The following MEP1B variants were observed in gnomAD, a reference collection of about 807,000 sequenced individuals.
The protein encoded by MEP1B is meprin A subunit beta, also known as N-benzoyl-L-tyrosyl-P-amino-benzoic acid hydrolase subunit beta.
Under a neutral mutation model 84.6 loss-of-function variants are expected in MEP1B, and 80 were observed. That is an observed-to-expected ratio of 0.95 (90% CI 0.79 to 1.14). MEP1B has a LOEUF of 1.14. Among genes scored for constraint, MEP1B ranks in the 50% most tolerant of loss-of-function variants. The probability of loss-of-function intolerance (pLI) is 0.00; values close to 1 mark genes in which losing one functional copy is unlikely to be tolerated. For missense variants in MEP1B, 766 were observed against 855.1 expected, an observed-to-expected ratio of 0.90 and a Z score of 1.30; for synonymous variants, 273 against 288.1, an observed-to-expected ratio of 0.95 and a Z score of 0.53.
chr18:32,197,617 A>T (rs1255941740), intron 5 of MEP1B, among the ~76,000 whole-genome samples: 1 of 151,974 alleles, frequency 6.6e-6, no homozygotes, highest in Non-Finnish European at 1.5e-5. Context: ...ATGGGCTTTC[A>T]CCATGTCGTA....
In MEP1B at chr18:32,204,290, A is replaced by C. The variant is rs1414749876; in HGVS notation, c.477A>C (p.Gly159=). 1.2e-6 allele frequency: 2 copies of C among 1,604,482 alleles called. No homozygotes were observed. Among genetic ancestry groups the C allele is most frequent in the Non-Finnish European group, 1.7e-6 (2 of 1,175,778 alleles). ...TVQHEFLHAL[G]FWHEQSRSDR... ...AACACGAGTTCCTCCACGCTCTGGG[A>C]TTCTGGCATGAGCAGTCGCGTTCTG... The change falls in exon 7 of 15, where the codon GGA becomes GGC. Residue 159 remains glycine (G), a synonymous_variant. Coordinates refer to ENST00000269202, the MANE Select transcript of MEP1B (RefSeq NM_005925.3).
Position 32,215,174 on chromosome 18 carries a change from G to A in MEP1B, c.1672G>A (p.Gly558Arg), listed in dbSNP as rs750552768. 7 of 1,612,308 alleles carry A rather than the reference G, an allele frequency of 4.3e-6. No homozygotes were observed. In the South Asian group the frequency reaches 7.7e-5, roughly 18 times the overall value. The change falls in exon 12 of 15, where the codon GGA becomes AGA. Residue 558 changes from glycine to arginine, a missense_variant. Transcript: ENST00000269202. Reference protein sequence around the residue: ...GTQFRRGGGYGTSAFITHERL... With the variant: ...GTQFRRGGGYRTSAFITHERL... ...TCAGTTTAGAAGAGGTGGGGGCTATGGAACCAGTGCCTTTATAACCCACGA... is the reference window on the plus strand; with the variant it reads ...TCAGTTTAGAAGAGGTGGGGGCTATAGAACCAGTGCCTTTATAACCCACGA...
Position 32,217,050 on chromosome 18 carries a change from C to G in MEP1B, c.1819C>G (p.Leu607Val). 6.2e-7 allele frequency: 1 copy of G among 1,613,930 alleles called. No homozygotes were observed. The highest frequency in any genetic ancestry group is 8.5e-7 in the Non-Finnish European group (1 of 1,179,858). Reference sequence around the variant, plus strand: ...AACACCAGCCCCTAGTGTTCAAGACCTCTGCTCAAAAACCACCTGTAAAAA... The same window carrying G: ...AACACCAGCCCCTAGTGTTCAAGACGTCTGCTCAAAAACCACCTGTAAAAA... ...QLTPAPSVQD[L>V]CSKTTCKNDG... Residue 607 changes from leucine to valine, a missense_variant, in exon 13 of 15, where the codon CTC (leucine) becomes GTC (valine). Coordinates refer to ENST00000269202, the MANE Select transcript of MEP1B (RefSeq NM_005925.3).
chr18:32,192,966 A>G, intron 4 of MEP1B, 149 bp downstream of exon 4: 1 of 630,026 alleles, frequency 1.6e-6, no homozygotes, highest in Non-Finnish European at 2.8e-6. Flanking sequence ...TTCAATGAAT[A>G]TATTATACTC....
chr18:32,198,528 G>T lies in MEP1B; in HGVS notation c.250+3043G>T, dbSNP rs529336472. ...TAATTGGCACACAGGCACCATGTGG[G>T]CTAGTGTGGCCTCTGATAGCAAGGG... On this transcript the variant is annotated intron_variant, in intron 5 of 14. Transcript: ENST00000269202. Among the ~76,000 whole-genome samples, 3 of 152,336 alleles carry T rather than the reference G, an allele frequency of 2.0e-5. No individual in the cohort carries two copies. The South Asian group carries it at 6.2e-4, about 32-fold the overall frequency.
chr18:32,192,600 T>C (rs1285641226), intron 2 of MEP1B, 46 bp from the exon 3 acceptor site: 1 of 1,575,954 alleles, frequency 6.3e-7, no homozygotes, highest in Non-Finnish European at 8.7e-7. Context: ...TTTCTCCTTT[T>C]ATAAACATAA....
chr18:32,218,177 G>C (rs1055339669), intron 14 of MEP1B, among the ~76,000 whole-genome samples: 1 of 152,126 alleles, frequency 6.6e-6, no homozygotes, highest in East Asian at 1.9e-4. Flanking sequence ...TATCCTCCTG[G>C]AATTGTATAC....
intron 2 of MEP1B, among the ~76,000 whole-genome samples, chr18:32,192,153 A>G (rs1048799145): frequency 6.6e-6 from 1 of 152,096 alleles, no homozygotes; most frequent in Non-Finnish European, 1.5e-5. Context: ...CAGTCTACTC[A>G]GTATTCACTT....
rs555823398 is a variant in MEP1B at position 32,193,925 on chromosome 18, C to T, written c.171+1108C>T. ...CTGGTCCTCTCCTTTCCCTGAGCTC[C>T]AGACTGGTCTATCCAAGCACTAATT... On this transcript the variant is annotated intron_variant, in intron 4 of 14. Coordinates refer to ENST00000269202, the MANE Select transcript of MEP1B (RefSeq NM_005925.3). Among the ~76,000 whole-genome samples the T allele has an allele frequency of 2.0e-5, 3 of 152,252 alleles. No homozygotes were observed. In the South Asian group the frequency reaches 6.2e-4, roughly 32 times the overall value.
At chr18:32,220,111 G>C in intron 14 of MEP1B, 120 bp from the exon 15 acceptor site, 1 of 877,146 alleles carries the variant, frequency 1.1e-6, no homozygotes, top group Non-Finnish European at 1.8e-6. Flanking sequence ...AGCTAGGAGG[G>C]AGGCCAGGAG....
intron 14 of MEP1B, among the ~76,000 whole-genome samples, chr18:32,218,477 G>A (rs2041116857): frequency 6.6e-6 from 1 of 152,210 alleles, no homozygotes; most frequent in African/African-American, 2.4e-5. Flanking sequence ...AGGATTTAAA[G>A]TCTTGCCTCA....
chr18:32,204,242 C>A lies in MEP1B; in HGVS notation c.429C>A (p.Asn143Lys), dbSNP rs1008586664. Reference sequence around the variant, plus strand: ...AGCAAGAACTTTCCATCGGGGCAAACTGTGACCGAATAGCAACAGTTCAAC... The same window carrying A: ...AGCAAGAACTTTCCATCGGGGCAAAATGTGACCGAATAGCAACAGTTCAAC... ...VGKQELSIGA[N>K]CDRIATVQHE... Residue 143 changes from asparagine to lysine, a missense_variant, in exon 7 of 15, where the codon AAC becomes AAA. Physicochemically the swap from Asn to Lys is moderately conservative, Grantham distance 94. Transcript: ENST00000269202. 3 of 1,605,764 alleles carry A rather than the reference C, an allele frequency of 1.9e-6. No homozygotes were observed. Among genetic ancestry groups the A allele is most frequent in the Non-Finnish European group, 1.7e-6 (2 of 1,176,402 alleles).
chr18:32,194,218 T>C (rs2040830302), intron 4 of MEP1B, among the ~76,000 whole-genome samples: 1 of 152,174 alleles, frequency 6.6e-6, no homozygotes, highest in Non-Finnish European at 1.5e-5. Context: ...CTTTTCTCCA[T>C]CACTCTAATT....
intron 7 of MEP1B, among the ~76,000 whole-genome samples, chr18:32,205,432 T>C (rs767944586): frequency 6.6e-6 from 1 of 152,192 alleles, no homozygotes; most frequent in Non-Finnish European, 1.5e-5. Context: ...GAGTGCCCTA[T>C]ACAAGGTCCC....
At position 32,217,781 on chromosome 18, in the gene MEP1B, G is replaced by C. The variant is rs1312547789; in HGVS notation, c.1907G>C (p.Trp636Ser). Residue 636 changes from tryptophan (W) to serine (S), a missense_variant, in exon 14 of 15, where the codon TGG becomes TCG. Coordinates refer to ENST00000269202, the MANE Select transcript of MEP1B (RefSeq NM_005925.3). ...TGCAGGTGCCAGTCAGGGGAAGACT[G>C]GTGGTACATGGGAGAAAGGTGTGAA... ...AECRCQSGED[W>S]WYMGERCEKR... 2 of 1,613,668 alleles carry C rather than the reference G, an allele frequency of 1.2e-6. No individual in the cohort carries two copies. Among genetic ancestry groups the C allele is most frequent in the Non-Finnish European group, 1.7e-6 (2 of 1,179,820 alleles).
chr18:32,209,454 A>G (rs192583760), intron 9 of MEP1B, among the ~76,000 whole-genome samples: 48 of 151,316 alleles, frequency 3.2e-4, no homozygotes, highest in African/African-American at 1.1e-3. Flanking sequence ...ACCATTGCGT[A>G]TCAGCCTGGA....
chr18:32,194,442 G>A (rs2040832843), intron 4 of MEP1B, among the ~76,000 whole-genome samples: 1 of 152,024 alleles, frequency 6.6e-6, no homozygotes, highest in African/African-American at 2.4e-5. Flanking sequence ...TCCCGATTTA[G>A]TCCCAGCTGT....
chr18:32,202,949 T>G lies in MEP1B; in HGVS notation c.307T>G (p.Cys103Gly), dbSNP rs2040926761. ...ATTTGAACGTTATCGCCTTAAAACA[T>G]GTATTGACTTTAAGCCTTGGGCTGG... ...NAFERYRLKT[C>G]IDFKPWAGET... Residue 103 changes from cysteine to glycine, a missense_variant, in exon 6 of 15, where the codon TGT (cysteine) becomes GGT (glycine). Cys to Gly is a radical substitution (Grantham distance 159, BLOSUM62 -3). Coordinates refer to ENST00000269202, the MANE Select transcript of MEP1B (RefSeq NM_005925.3). The G allele has an allele frequency of 1.2e-6, 2 of 1,612,990 alleles. No homozygotes were observed. The highest frequency in any genetic ancestry group is 1.3e-5 in the African/African-American group (1 of 74,922).
In MEP1B at chr18:32,190,093, G is replaced by A. The variant is rs374981310; in HGVS notation, c.23G>A (p.Trp8Ter). MDLWNLSWFLFLDALLVI... is the reference protein window; with the variant it reads MDLWNLS ...AACATGGATTTATGGAATCTGTCTT[G>A]GTTTCTGTTCTTGGATGCTCTTCTC... The change falls in exon 1 of 15, where the codon TGG becomes TAG. Residue 8 changes from tryptophan to a stop codon, truncating the protein, a stop_gained. Coordinates refer to ENST00000269202, the MANE Select transcript of MEP1B (RefSeq NM_005925.3). LOFTEE classifies it high-confidence loss of function. 1 of 1,613,418 alleles carries A rather than the reference G, an allele frequency of 6.2e-7. No homozygotes were observed. The highest frequency in any genetic ancestry group is 8.5e-7 in the Non-Finnish European group (1 of 1,179,614).
Sources: allele counts gnomAD v4.1 joint callset (sites outside exome capture counted in the v4.1 genomes callset), GRCh38; gene constraint gnomAD v4.1.1; transcripts MANE v1.5; gene names NCBI Gene and HGNC (gene_info 2026-07-23, HGNC 2026-07-21).